Variants in HSD17B12 observed in about 807,000 individuals in gnomAD.
HSD17B12 encodes hydroxysteroid 17-beta dehydrogenase 12, also known as very-long-chain 3-oxoacyl-CoA reductase.
A neutral mutation model predicts 39.3 loss-of-function variants in HSD17B12; 32 were observed. The observed-to-expected ratio is 0.81, with a 90% CI of 0.61 to 1.09. The LOEUF (loss-of-function observed/expected upper bound fraction) is 1.09. Among genes scored for constraint, HSD17B12 ranks in the 50% least tolerant of loss-of-function variants. HSD17B12 has a pLI of 0.00. For synonymous variants in HSD17B12, 150 were observed against 146.7 expected (o/e 1.02, Z -0.16); for missense variants, 342 against 382.9 (o/e 0.89, Z 0.89).
At chr11:43,614,120 C>A in the HSD17B12 span, among the ~76,000 whole-genome samples, 2 of 152,182 alleles carry the variant, frequency 1.3e-5, no homozygotes, top group African/African-American at 4.8e-5. Flanking sequence ...GCTCTTCACT[C>A]CTTTGTTTAT....
At chr11:43,763,070 AG>A (rs1950567327) in intron 3 of HSD17B12, among the ~76,000 whole-genome samples, 1 of 152,200 alleles carries the variant, frequency 6.6e-6, no homozygotes, top group Non-Finnish European at 1.5e-5. Context: ...CTCCTTGCTC[AG>A]TAGTGCTGCA....
At chr11:43,826,416 A>G (rs1951241199) in intron 6 of HSD17B12, among the ~76,000 whole-genome samples, 1 of 151,978 alleles carries the variant, frequency 6.6e-6, no homozygotes, top group South Asian at 2.1e-4. Context: ...TTTTGTTTAG[A>G]GTTTATGAAT....
chr11:43,619,555 A>G, the HSD17B12 span, among the ~76,000 whole-genome samples: 1 of 151,312 alleles, frequency 6.6e-6, no homozygotes, highest in African/African-American at 2.4e-5. Flanking sequence ...AAGGCTGGCT[A>G]ATTTTTTTGT....
chr11:43,606,255 G>A, the HSD17B12 span, among the ~76,000 whole-genome samples: 2 of 152,204 alleles, frequency 1.3e-5, no homozygotes, highest in African/African-American at 4.8e-5. Context: ...CCTTTCCGCA[G>A]ACCAGGTGTT....
the HSD17B12 span, among the ~76,000 whole-genome samples, chr11:43,603,680 T>C: frequency 6.6e-6 from 1 of 152,196 alleles, no homozygotes; most frequent in East Asian, 1.9e-4. Flanking sequence ...AATAAAACCT[T>C]CTTTTGTTTC....
the HSD17B12 span, among the ~76,000 whole-genome samples, chr11:43,642,954 C>G: frequency 6.6e-6 from 1 of 151,864 alleles, no homozygotes; most frequent in Non-Finnish European, 1.5e-5. Flanking sequence ...TTCGTAGAGT[C>G]TTACTAAATA....
At position 43,682,667 on chromosome 11, in the gene HSD17B12, CTT is replaced by C. The variant is rs199917067; in HGVS notation, c.160+1683_160+1684del. Reference sequence around the variant, plus strand: ...TAGTTTTGGAAAACCTGTTTGAAGACTTTTGACTACAAAAGACTACAAGATTT... The same window carrying C: ...TAGTTTTGGAAAACCTGTTTGAAGACTTGACTACAAAAGACTACAAGATTT... On this transcript the variant is annotated intron_variant, in intron 1 of 10. Coordinates refer to ENST00000278353, the MANE Select transcript of HSD17B12 (RefSeq NM_016142.3). Among the ~76,000 whole-genome samples, 139 of 151,918 alleles carry C rather than the reference CTT, an allele frequency of 9.1e-4. 1 individual carries two copies. The highest frequency in any genetic ancestry group is 2.8e-3 in the African/African-American group (118 of 41,438).
intron 1 of HSD17B12, among the ~76,000 whole-genome samples, chr11:43,691,439 C>T (rs1218273773): frequency 6.6e-6 from 1 of 152,130 alleles, no homozygotes. Context: ...CAGTTTGCTC[C>T]CTCATCTCTA....
At chr11:43,699,868 G>T (rs1391062196) in intron 1 of HSD17B12, among the ~76,000 whole-genome samples, 1 of 152,150 alleles carries the variant, frequency 6.6e-6, no homozygotes, top group African/African-American at 2.4e-5. Flanking sequence ...ATATGAAAAA[G>T]GTGCTCAACA....
chr11:43,855,169 C>T lies in HSD17B12; in HGVS notation c.860C>T (p.Ser287Phe), dbSNP rs779540241. The T allele has an allele frequency of 1.9e-6, 3 of 1,610,706 alleles. No individual in the cohort carries two copies. Residue 287 changes from serine to phenylalanine, a missense_variant, in exon 11 of 11, where the codon TCT becomes TTT. Coordinates refer to ENST00000278353, the MANE Select transcript of HSD17B12 (RefSeq NM_016142.3). Reference protein sequence around the residue: ...LMGSIISNLPSWIYLKIVMNM... With the variant: ...LMGSIISNLPFWIYLKIVMNM... ...GGCTCGATAATCTCAAACCTGCCTT[C>T]TTGGATTTATTTGAAAATAGTCATG...
At chr11:43,805,635 A>G (rs1285058006) in intron 4 of HSD17B12, among the ~76,000 whole-genome samples, 1 of 152,210 alleles carries the variant, frequency 6.6e-6, no homozygotes. Context: ...TAAGAGGATC[A>G]TGGGATGATT....
the HSD17B12 span, among the ~76,000 whole-genome samples, chr11:43,629,991 C>T: frequency 3.3e-5 from 5 of 152,094 alleles, no homozygotes; most frequent in African/African-American, 1.2e-4. Context: ...TTTCCAGACA[C>T]CAATAGGTAG....
At chr11:43,793,811 G>C (rs117321210) in intron 3 of HSD17B12, among the ~76,000 whole-genome samples, 1 of 152,212 alleles carries the variant, frequency 6.6e-6, no homozygotes, top group African/African-American at 2.4e-5. Flanking sequence ...ATGTGCTCTT[G>C]CAGGTGATGG....
chr11:43,809,248 G>T (rs4755748), intron 4 of HSD17B12, among the ~76,000 whole-genome samples: 1 of 152,176 alleles, frequency 6.6e-6, no homozygotes, highest in Non-Finnish European at 1.5e-5. Context: ...TTGGGTTAAA[G>T]ATTTTATGTA....
At chr11:43,828,070 T>C (rs1951265114) in intron 6 of HSD17B12, among the ~76,000 whole-genome samples, 1 of 152,056 alleles carries the variant, frequency 6.6e-6, no homozygotes, top group Admixed American at 6.6e-5. Flanking sequence ...AGGAAACACT[T>C]TCCCTGCAAG....
At chr11:43,750,819 TG>T in intron 1 of HSD17B12, 91 bp from the exon 2 acceptor site, 1 of 797,922 alleles carries the variant, frequency 1.3e-6, no homozygotes, top group Non-Finnish European at 2.1e-6. Context: ...AGTGTCACAC[TG>T]GTCCTTTTGT....
the HSD17B12 span, among the ~76,000 whole-genome samples, chr11:43,583,417 T>C: frequency 1.3e-5 from 2 of 152,192 alleles, no homozygotes; most frequent in African/African-American, 2.4e-5. Context: ...CAGCTGCTGC[T>C]TGGGGCGGCT....
chr11:43,579,956 A>C, the HSD17B12 span, among the ~76,000 whole-genome samples: 1 of 151,778 alleles, frequency 6.6e-6, no homozygotes, highest in Non-Finnish European at 1.5e-5. Flanking sequence ...AAGTTCTTGC[A>C]ATGTTTGCAG....
intron 1 of HSD17B12, among the ~76,000 whole-genome samples, chr11:43,690,375 TATATATATATA>T (rs1949843937): frequency 1.5e-4 from 2 of 13,786 alleles, no homozygotes; most frequent in African/African-American, 8.3e-4. Context: ...TATATATATA[TATATATATATA>T]TATATATATA....
Sources: gnomAD v4.1 joint callset for allele counts (sites outside exome capture counted in the v4.1 genomes callset) on GRCh38, gnomAD v4.1.1 for gene constraint, MANE v1.5 for transcripts, NCBI Gene and HGNC (gene_info 2026-07-23, HGNC 2026-07-21) for gene names.